The following PRR5 variants were observed in gnomAD, a reference collection of about 807,000 sequenced individuals.
PRR5 encodes the protein proline-rich protein 5.
A neutral mutation model predicts 30.6 loss-of-function variants in PRR5; 25 were observed. That is an observed-to-expected ratio of 0.82 (90% CI 0.60 to 1.14). The LOEUF (loss-of-function observed/expected upper bound fraction) is 1.14. PRR5 is among the 50% of genes most tolerant of loss of function. PRR5 has a pLI of 0.00. For missense variants in PRR5, 600 were observed against 547.1 expected (o/e 1.10, Z -0.96); for synonymous variants, 286 against 247.1 (o/e 1.16, Z -1.48).
upstream of PRR5, among the ~76,000 whole-genome samples, chr22:44,675,063 A>G (rs1255312910): frequency 2.0e-5 from 3 of 151,164 alleles, no homozygotes; most frequent in East Asian, 4.0e-4. Flanking sequence ...CCTGGCTAAC[A>G]CGGTGAAACC....
At chr22:44,714,700 G>A (rs1211498350) in intron 2 of PRR5, 29 bp downstream of exon 2, 4 of 1,612,452 alleles carry the variant, frequency 2.5e-6, no homozygotes, top group Non-Finnish European at 2.5e-6. Context: ...TTGGTCCAGG[G>A]TCCTTGAGTG....
intron 1 of PRR5, among the ~76,000 whole-genome samples, chr22:44,670,100 A>G (rs934218096): frequency 1.3e-5 from 2 of 152,170 alleles, no homozygotes; most frequent in African/African-American, 4.8e-5. Context: ...TTCAGGTGTG[A>G]GCACCGCTTG....
chr22:44,696,600 C>A (rs1326205425), intron 1 of PRR5, among the ~76,000 whole-genome samples: 3 of 152,122 alleles, frequency 2.0e-5, no homozygotes, highest in African/African-American at 7.2e-5. Flanking sequence ...ACCAGACCAC[C>A]AGGGTGGAGA....
intron 1 of PRR5, among the ~76,000 whole-genome samples, chr22:44,713,786 C>T (rs2097535): frequency 0.36 from 54,234 of 152,100 alleles, 10,190 homozygotes; most frequent in South Asian, 0.48. Flanking sequence ...CAGCTCCTGC[C>T]TCAGAGAGTT....
chr22:44,672,008 TG>T (rs1443557323), intron 1 of PRR5, among the ~76,000 whole-genome samples: 1 of 152,254 alleles, frequency 6.6e-6, no homozygotes, highest in Non-Finnish European at 1.5e-5. Context: ...AGTCTTGTAG[TG>T]CTGTGGTCTT....
Position 44,702,250 on chromosome 22 carries a change from C to A in PRR5, c.-225C>A. The A allele has an allele frequency of 8.8e-7, 1 of 1,134,080 alleles. No homozygotes were observed. Among genetic ancestry groups the A allele is most frequent in the South Asian group, 4.3e-5 (1 of 23,318 alleles). The allele number at this position is 1,134,080 out of a possible 1,614,324, so 70.3% of individuals were successfully genotyped here. ...TGTGCTGGCCGCGCGCCTGGCGCTC[C>A]ACGCTGAGCCTCTCCGTGCAATGAT... is the stretch of plus-strand genomic sequence containing the variant. On this transcript the variant is annotated 5_prime_UTR_variant, in exon 1 of 8. Coordinates refer to ENST00000336985, the MANE Select transcript of PRR5 (RefSeq NM_181333.4).
chr22:44,720,326 G>A (rs1320975359), intron 2 of PRR5, among the ~76,000 whole-genome samples: 1 of 152,226 alleles, frequency 6.6e-6, no homozygotes, highest in Non-Finnish European at 1.5e-5. Context: ...TCTGTAGAAA[G>A]GATGTCTGTT....
intron 1 of PRR5, among the ~76,000 whole-genome samples, chr22:44,684,227 C>A (rs1020519465): frequency 2.0e-5 from 3 of 152,206 alleles, no homozygotes; most frequent in Non-Finnish European, 4.4e-5. Context: ...CAGTCTGATC[C>A]AGCCTCGAGA....
intron 1 of PRR5, among the ~76,000 whole-genome samples, chr22:44,693,225 A>C (rs1051765475): frequency 6.6e-6 from 1 of 152,180 alleles, no homozygotes; most frequent in Non-Finnish European, 1.5e-5. Flanking sequence ...GTGTCCTGGG[A>C]GGCCAAGGTG....
At chr22:44,695,756 G>A (rs992095001) in intron 1 of PRR5, among the ~76,000 whole-genome samples, 4 of 151,030 alleles carry the variant, frequency 2.6e-5, no homozygotes, top group Admixed American at 2.0e-4. Context: ...ACACCAACAT[G>A]CCCAGCTAAT....
intron 4 of PRR5, chr22:44,731,234 G>GAA: frequency 4.4e-6 from 1 of 227,146 alleles, no homozygotes; most frequent in Non-Finnish European, 8.9e-6. Flanking sequence ...GTACCTGTGT[G>GAA]GGTCTTACCT....
chr22:44,679,720 T>C, intron 1 of PRR5: 1 of 1,213,640 alleles, frequency 8.2e-7, no homozygotes, highest in Non-Finnish European at 1.2e-6. Context: ...ATAATAATAA[T>C]AACAATAATA....
chr22:44,703,378 C>T (rs573131303), intron 1 of PRR5, among the ~76,000 whole-genome samples: 1 of 151,502 alleles, frequency 6.6e-6, no homozygotes, highest in East Asian at 1.9e-4. Flanking sequence ...GACGTTGCCC[C>T]TCTCGCGCCC....
At chr22:44,716,524 G>A (rs1473219747) in intron 2 of PRR5, among the ~76,000 whole-genome samples, 1 of 152,082 alleles carries the variant, frequency 6.6e-6, no homozygotes, top group Non-Finnish European at 1.5e-5. Flanking sequence ...ATGTGTTAAC[G>A]TTTTTTAAAA....
intron 1 of PRR5, among the ~76,000 whole-genome samples, chr22:44,682,087 G>A (rs1006091399): frequency 1.3e-5 from 2 of 152,196 alleles, no homozygotes. Flanking sequence ...CAAGGGGCGT[G>A]GCCAGCAGAG....
chr22:44,702,187 C>A (rs866392512), upstream of PRR5: 1 of 1,002,416 alleles, frequency 1.0e-6, no homozygotes, highest in Non-Finnish European at 1.2e-6. Context: ...CCTGGGCCCG[C>A]CCCCGGGTCC....
At chr22:44,699,911 A>G (rs953527353), upstream of PRR5, among the ~76,000 whole-genome samples, 7 of 137,604 alleles carry the variant, frequency 5.1e-5, no homozygotes, top group South Asian at 2.5e-4. Context: ...TAGTATTTTT[A>G]TATGTTTTTT....
chr22:44,718,080 G>A (rs959587831), intron 2 of PRR5, among the ~76,000 whole-genome samples: 1 of 152,022 alleles, frequency 6.6e-6, no homozygotes, highest in Non-Finnish European at 1.5e-5. Flanking sequence ...ACAGCATATC[G>A]CATCCACCTC....
intron 1 of PRR5, among the ~76,000 whole-genome samples, chr22:44,713,776 C>G (rs1928618116): frequency 6.6e-6 from 1 of 152,204 alleles, no homozygotes; most frequent in Non-Finnish European, 1.5e-5. Flanking sequence ...AAACGTTTGC[C>G]AGCTCCTGCC....
Sources: allele counts gnomAD v4.1 joint callset (sites outside exome capture counted in the v4.1 genomes callset), GRCh38; gene constraint gnomAD v4.1.1; transcripts MANE v1.5; gene names NCBI Gene and HGNC (gene_info 2026-07-23, HGNC 2026-07-21).